Variants in L2HGDH observed in about 807,000 individuals in gnomAD.
The protein encoded by L2HGDH is L-2-hydroxyglutarate dehydrogenase, mitochondrial.
A neutral mutation model predicts 51.5 loss-of-function variants in L2HGDH; 34 were observed. The observed-to-expected ratio is 0.66, with a 90% CI of 0.50 to 0.88. The LOEUF is 0.88. Ranked by LOEUF, L2HGDH falls within the 40% of genes least tolerant of loss-of-function variation. The probability of loss-of-function intolerance (pLI) is 0.00; values close to 1 mark genes in which losing one functional copy is unlikely to be tolerated. For synonymous variants in L2HGDH, 198 were observed against 197.9 expected (o/e 1.00, Z -0.01); for missense variants, 558 against 571.9 (o/e 0.98, Z 0.25).
At chr14:50,273,259 T>C (rs1225540578) in intron 6 of L2HGDH, among the ~76,000 whole-genome samples, 2 of 152,208 alleles carry the variant, frequency 1.3e-5, no homozygotes, top group Non-Finnish European at 2.9e-5. Flanking sequence ...TTAATAATCA[T>C]TAGAAAAAGA....
chr14:50,242,776 C>A lies in L2HGDH; in HGVS notation c.*4282G>T. The A allele has an allele frequency of 1.0e-6, 1 of 985,378 alleles. No individual in the cohort carries two copies. The highest frequency in any genetic ancestry group is 1.2e-6 in the Non-Finnish European group (1 of 829,922). The allele number at this position is 985,378 out of a possible 1,614,324, so 61.0% of individuals were successfully genotyped here. ...AGAAACTGACTTTACGATTACAACT[C>A]AAAAATGTTTACAAGATCTTTAGAT... On this transcript the variant is annotated 3_prime_UTR_variant, in exon 10 of 10. Coordinates refer to ENST00000267436, the MANE Select transcript of L2HGDH (RefSeq NM_024884.3).
chr14:50,268,020 T>C lies in L2HGDH; in HGVS notation c.907-110A>G, dbSNP rs186536319. 3.1e-5 allele frequency: 32 copies of C among 1,040,804 alleles called. No individual in the cohort carries two copies. In the East Asian group the frequency reaches 4.5e-4, roughly 15 times the overall value. 64.5% of individuals were successfully genotyped at this position (1,040,804 alleles called of 1,614,324 possible). The stretch of plus-strand genomic sequence containing the variant: ...ACTTTCTTCTCATGCATTTAATTTG[T>C]ATTGTGAGCTGTACTCAGATATACT... On this transcript the variant is annotated intron_variant, in intron 7 of 9. Coordinates refer to ENST00000267436, the MANE Select transcript of L2HGDH (RefSeq NM_024884.3).
At chr14:50,300,476 G>A (rs2030343275) in intron 3 of L2HGDH, among the ~76,000 whole-genome samples, 1 of 151,846 alleles carries the variant, frequency 6.6e-6, no homozygotes, top group Non-Finnish European at 1.5e-5. Flanking sequence ...TATATTTTTA[G>A]TAGAGATGGG....
intron 1 of L2HGDH, 108 bp from the exon 2 acceptor site, chr14:50,303,125 A>G (rs1015340779): frequency 1.3e-5 from 10 of 756,526 alleles, no homozygotes; most frequent in Admixed American, 6.0e-5. Flanking sequence ...ATTTGTAATC[A>G]TGAAAACGTA....
intron 1 of L2HGDH, among the ~76,000 whole-genome samples, chr14:50,305,601 G>A (rs2030677890): frequency 6.6e-6 from 1 of 152,122 alleles, no homozygotes; most frequent in Admixed American, 6.5e-5. Flanking sequence ...TGGCTTTTAA[G>A]AATTCCAGAA....
At chr14:50,279,955 G>A (rs1678781309) in intron 5 of L2HGDH, among the ~76,000 whole-genome samples, 1 of 151,688 alleles carries the variant, frequency 6.6e-6, no homozygotes, top group African/African-American at 2.4e-5. Context: ...AGCTACTCAG[G>A]AGGCTGAGGC....
At chr14:50,286,943 A>C (rs1890598461) in intron 4 of L2HGDH, among the ~76,000 whole-genome samples, 1 of 152,204 alleles carries the variant, frequency 6.6e-6, no homozygotes, top group African/African-American at 2.4e-5. Context: ...TGCCTTATTC[A>C]TCTTCTTATC....
intron 5 of L2HGDH, among the ~76,000 whole-genome samples, chr14:50,283,288 T>C (rs576391849): frequency 1.3e-5 from 2 of 152,158 alleles, no homozygotes; most frequent in South Asian, 4.1e-4. Context: ...TGGAGACAAA[T>C]TTTCCATAAA....
chr14:50,242,687 C>CCTT lies in L2HGDH; in HGVS notation c.*4368_*4370dup, dbSNP rs1403300195. 4.1e-6 allele frequency: 4 copies of CCTT among 985,312 alleles called. No homozygotes were observed. The highest frequency in any genetic ancestry group is 4.8e-6 in the Non-Finnish European group (4 of 829,946). 61.0% of individuals were successfully genotyped at this position (985,312 alleles called of 1,614,324 possible). ...TGCTTTCCCAACCATTTCACCCTGT[C>CCTT]CTTCTACCTTAAGCCCTGATGAAGA... On this transcript the variant is annotated 3_prime_UTR_variant, in exon 10 of 10. Transcript: ENST00000267436.
intron 4 of L2HGDH, among the ~76,000 whole-genome samples, chr14:50,292,329 T>C (rs1489151250): frequency 6.6e-6 from 1 of 152,166 alleles, no homozygotes; most frequent in Non-Finnish European, 1.5e-5. Flanking sequence ...CCAAAATTTA[T>C]GTAGAAATGT....
chr14:50,265,333 T>C (rs368843696), intron 9 of L2HGDH, 25 bp downstream of exon 9: 6 of 1,600,926 alleles, frequency 3.7e-6, no homozygotes, highest in Non-Finnish European at 5.1e-6. Flanking sequence ...GGACTGTATT[T>C]ACACTCCTTA....
At chr14:50,301,980 G>C (rs1283496453) in intron 3 of L2HGDH, 37 bp downstream of exon 3, 1 of 1,607,112 alleles carries the variant, frequency 6.2e-7, no homozygotes, top group African/African-American at 1.3e-5. Context: ...GCAAATGCTA[G>C]TTGGAAATTA....
intron 9 of L2HGDH, among the ~76,000 whole-genome samples, chr14:50,252,569 T>C (rs1241623013): frequency 6.6e-6 from 1 of 150,568 alleles, no homozygotes; most frequent in Non-Finnish European, 1.5e-5. Flanking sequence ...AGACTAAAAA[T>C]AAAGGGATGG....
chr14:50,309,932 C>T (rs939138553), intron 1 of L2HGDH, among the ~76,000 whole-genome samples: 8 of 150,574 alleles, frequency 5.3e-5, no homozygotes, highest in Non-Finnish European at 8.9e-5. Context: ...GAGGCTCAAC[C>T]TATCCTCCCA....
At chr14:50,299,402 A>G (rs2030273565) in intron 3 of L2HGDH, among the ~76,000 whole-genome samples, 1 of 152,240 alleles carries the variant, frequency 6.6e-6, no homozygotes, top group South Asian at 2.1e-4. Context: ...CATTTAAAGA[A>G]GAACTAATAC....
chr14:50,304,196 T>C (rs1170323982), intron 1 of L2HGDH, among the ~76,000 whole-genome samples: 1 of 152,194 alleles, frequency 6.6e-6, no homozygotes, highest in Non-Finnish European at 1.5e-5. Context: ...TCTAAAAATG[T>C]GTACATATAA....
Position 50,265,339 on chromosome 14 carries a change from C to G in L2HGDH, c.1196+19G>C. 1 of 1,604,480 alleles carries G rather than the reference C, an allele frequency of 6.2e-7. No homozygotes were observed. Among genetic ancestry groups the G allele is most frequent in the Non-Finnish European group, 8.5e-7 (1 of 1,171,588 alleles). ...CATAGGTCAGGACTGTATTTACACT[C>G]CTTATCCCTTTTCCTTACCTAAGTA... On this transcript the variant is annotated intron_variant, in intron 9 of 9. Transcript: ENST00000267436.
intron 1 of L2HGDH, among the ~76,000 whole-genome samples, chr14:50,303,228 C>A (rs1230734554): frequency 6.6e-6 from 1 of 151,742 alleles, no homozygotes; most frequent in Non-Finnish European, 1.5e-5. Flanking sequence ...TCGAGACCAT[C>A]CTGGCCAACA....
chr14:50,248,314 T>C (rs1400412295), intron 9 of L2HGDH, among the ~76,000 whole-genome samples: 3 of 152,162 alleles, frequency 2.0e-5, no homozygotes, highest in African/African-American at 7.2e-5. Flanking sequence ...GAAACAATAT[T>C]AAACATTTTT....
Sources: gnomAD v4.1 joint callset for allele counts (sites outside exome capture counted in the v4.1 genomes callset) on GRCh38, gnomAD v4.1.1 for gene constraint, MANE v1.5 for transcripts, NCBI Gene and HGNC (gene_info 2026-07-23, HGNC 2026-07-21) for gene names.